The following ROBO1 variants were observed in gnomAD, a reference collection of about 807,000 sequenced individuals.
ROBO1 encodes the protein roundabout guidance receptor 1, also known as roundabout homolog 1.
ROBO1 carries 149 observed loss-of-function variants against 195.9 expected under a neutral mutation model. The observed-to-expected ratio is 0.76, with a 90% CI of 0.67 to 0.87. The LOEUF (loss-of-function observed/expected upper bound fraction) is 0.87, where lower values mean the gene tolerates loss of function less well. Ranked by LOEUF, ROBO1 falls within the 40% of genes least tolerant of loss-of-function variation. ROBO1 has a pLI of 0.00. For synonymous variants in ROBO1, 816 were observed against 733.2 expected (o/e 1.11, Z -1.82); for missense variants, 1,933 against 2,068.3 (o/e 0.93, Z 1.27).
intron 2 of ROBO1, among the ~76,000 whole-genome samples, chr3:79,278,808 G>A (rs966292772): frequency 4.6e-5 from 7 of 152,138 alleles, no homozygotes; most frequent in Admixed American, 6.5e-5. Flanking sequence ...GATCTCAAAA[G>A]CACAGGCAAC....
At chr3:79,008,957 TTGAGA>T (rs1347004674) in intron 3 of ROBO1, among the ~76,000 whole-genome samples, 3 of 150,416 alleles carry the variant, frequency 2.0e-5, no homozygotes, top group African/African-American at 7.4e-5. Context: ...TTGTTTTGTT[TTGAGA>T]TGAGTCTCGC....
intron 3 of ROBO1, among the ~76,000 whole-genome samples, chr3:79,071,432 A>G (rs1415413968): frequency 6.6e-6 from 1 of 151,776 alleles, no homozygotes; most frequent in Non-Finnish European, 1.5e-5. Flanking sequence ...AATATTAGAT[A>G]AAGTTATGAC....
chr3:79,633,687 C>T (rs2108036400), intron 1 of ROBO1, among the ~76,000 whole-genome samples: 1 of 151,358 alleles, frequency 6.6e-6, no homozygotes, highest in South Asian at 2.1e-4. Flanking sequence ...CCTTGTTGTT[C>T]TTCAAGAACA....
chr3:79,717,175 G>A (rs957540978), intron 1 of ROBO1, among the ~76,000 whole-genome samples: 1 of 151,134 alleles, frequency 6.6e-6, no homozygotes, highest in African/African-American at 2.4e-5. Context: ...TACTTTAAAT[G>A]TGACTATTTT....
chr3:78,934,773 A>C (rs9839572), intron 4 of ROBO1, among the ~76,000 whole-genome samples: 18,133 of 151,896 alleles, frequency 0.12, 2,740 homozygotes, highest in African/African-American at 0.36. Flanking sequence ...TTCTCTGAAT[A>C]TTTCTGATGA....
chr3:79,722,230 C>T (rs951147132), intron 1 of ROBO1, among the ~76,000 whole-genome samples: 1 of 152,106 alleles, frequency 6.6e-6, no homozygotes, highest in Non-Finnish European at 1.5e-5. Context: ...ATGGTATGTA[C>T]TGGTAGCTCA....
chr3:78,708,125 G>A (rs2081596493), intron 8 of ROBO1, among the ~76,000 whole-genome samples: 1 of 152,136 alleles, frequency 6.6e-6, no homozygotes, highest in Admixed American at 6.5e-5. Context: ...GGAGTGGAAA[G>A]ATTAATAATG....
intron 2 of ROBO1, among the ~76,000 whole-genome samples, chr3:79,394,138 GA>G (rs200406852): frequency 3.4e-5 from 5 of 146,502 alleles, no homozygotes; most frequent in African/African-American, 5.0e-5. Flanking sequence ...CAGCATAAAA[GA>G]AAAAAAAAGA....
intron 3 of ROBO1, among the ~76,000 whole-genome samples, chr3:78,960,956 G>A (rs941591942): frequency 3.3e-5 from 5 of 151,788 alleles, no homozygotes; most frequent in South Asian, 2.1e-4. Flanking sequence ...TTTCTGTTTC[G>A]CATCACCCTA....
In ROBO1 at chr3:78,813,582, T is replaced by C. The variant is rs139826323; in HGVS notation, c.500-66682A>G. 1.6e-3 allele frequency among the ~76,000 whole-genome samples: 236 copies of C among 152,220 alleles called. 1 individual carries two copies. Among genetic ancestry groups the C allele is most frequent in the Middle Eastern group, 0.014 (4 of 294 alleles). ...TCAGAATCGTTCTGTTTAACCAAAA[T>C]ATATTTTTGTCATTCACATTACAGA... On this transcript the variant is annotated intron_variant, in intron 4 of 30. Coordinates refer to ENST00000464233, the MANE Select transcript of ROBO1 (RefSeq NM_002941.4).
At chr3:79,708,817 T>A (rs534187568) in intron 1 of ROBO1, among the ~76,000 whole-genome samples, 3 of 152,234 alleles carry the variant, frequency 2.0e-5, no homozygotes, top group Non-Finnish European at 4.4e-5. Context: ...CAGTGAGCTG[T>A]GATCGTGCCA....
At chr3:79,572,842 T>G (rs921544854) in intron 2 of ROBO1, among the ~76,000 whole-genome samples, 27 of 152,106 alleles carry the variant, frequency 1.8e-4, no homozygotes, top group Admixed American at 1.6e-3. Context: ...CCGGGAGGCC[T>G]CGTACGTTTT....
At chr3:79,611,720 C>T (rs922162878) in intron 1 of ROBO1, among the ~76,000 whole-genome samples, 1 of 152,028 alleles carries the variant, frequency 6.6e-6, no homozygotes, top group African/African-American at 2.4e-5. Context: ...GGGAACATCA[C>T]ATACTGGGCC....
chr3:79,531,278 A>T (rs1337588077), intron 2 of ROBO1, among the ~76,000 whole-genome samples: 2 of 152,182 alleles, frequency 1.3e-5, no homozygotes, highest in African/African-American at 4.8e-5. Flanking sequence ...TTATATTAAT[A>T]AATTAATAAT....
chr3:79,565,378 T>C (rs566223429), intron 2 of ROBO1, among the ~76,000 whole-genome samples: 2 of 151,818 alleles, frequency 1.3e-5, no homozygotes, highest in Non-Finnish European at 2.9e-5. Context: ...TGGCAGAAAT[T>C]TGAAAATTAA....
intron 2 of ROBO1, among the ~76,000 whole-genome samples, chr3:79,534,148 CAAAAAAAAAAAAA>C (rs5850434): frequency 0.04 from 2,421 of 60,146 alleles, 119 homozygotes; most frequent in African/African-American, 0.14. Context: ...CTGGGGAAGG[CAAAAAAAAAAAAA>C]AAAAAAAAAA....
intron 14 of ROBO1, among the ~76,000 whole-genome samples, chr3:78,664,470 G>A (rs1268945902): frequency 6.6e-6 from 1 of 152,102 alleles, no homozygotes; most frequent in Non-Finnish European, 1.5e-5. Context: ...CCGCACCTCT[G>A]CCACAATGAC....
At position 78,851,377 on chromosome 3, in the gene ROBO1, G is replaced by A. The variant is rs141120247; in HGVS notation, c.499+87224C>T. ...TAAAAGCACATGCTTCTTAGTTTAC[G>A]TATGAATACTGTCATTAAAAAGACA... On this transcript the variant is annotated intron_variant, in intron 4 of 30. Coordinates refer to ENST00000464233, the MANE Select transcript of ROBO1 (RefSeq NM_002941.4). Among the ~76,000 whole-genome samples, 60 of 152,182 alleles carry A rather than the reference G, an allele frequency of 3.9e-4. No homozygotes were observed. The East Asian group carries it at 8.5e-3, about 22-fold the overall frequency.
chr3:79,667,877 C>CA lies in ROBO1; in HGVS notation c.-50-77917dup, dbSNP rs950107183. Among the ~76,000 whole-genome samples the CA allele has an allele frequency of 3.2e-4, 48 of 150,612 alleles. 1 individual carries two copies. Among genetic ancestry groups the CA allele is most frequent in the South Asian group, 8.3e-4 (4 of 4,794 alleles). On this transcript the variant is annotated intron_variant, in intron 1 of 30. Transcript: ENST00000464233. Reference sequence around the variant, plus strand: ...TTTAACAATTACATTCCTCCCCACTCAAAAAAAAATCTCATTTGGAAACTG... The same window carrying CA: ...TTTAACAATTACATTCCTCCCCACTCAAAAAAAAAATCTCATTTGGAAACTG...
Sources: allele counts gnomAD v4.1 joint callset (sites outside exome capture counted in the v4.1 genomes callset), GRCh38; gene constraint gnomAD v4.1.1; transcripts MANE v1.5; gene names NCBI Gene and HGNC (gene_info 2026-07-23, HGNC 2026-07-21).